Variants in CFAP100 observed in about 807,000 individuals in gnomAD.
CFAP100 encodes cilia- and flagella-associated protein 100.
CFAP100 carries 70 observed loss-of-function variants against 81.5 expected under a neutral mutation model. That is an observed-to-expected ratio of 0.86 (90% CI 0.71 to 1.05). The LOEUF is 1.05. Among genes scored for constraint, CFAP100 ranks in the 50% least tolerant of loss-of-function variants. The pLI, the probability that CFAP100 is intolerant of heterozygous loss-of-function variation, is 0.00. For missense variants in CFAP100, 811 were observed against 776.5 expected (o/e 1.04, Z -0.53); for synonymous variants, 341 against 314.8 (o/e 1.08, Z -0.88).
chr3:126,395,947 G>A lies in CFAP100; in HGVS notation c.-54G>A. ...AGCACTGTGTCACTCCTCAGGTGAGGATCTCCTTTAGAAGAGGAGAAGCCT... is the reference window on the plus strand; with the variant it reads ...AGCACTGTGTCACTCCTCAGGTGAGAATCTCCTTTAGAAGAGGAGAAGCCT... On this transcript the variant is annotated 5_prime_UTR_variant, in exon 2 of 17. Transcript: ENST00000352312. The A allele has an allele frequency of 6.9e-7, 1 of 1,453,432 alleles. No homozygotes were observed. The highest frequency in any genetic ancestry group is 9.7e-7 in the Non-Finnish European group (1 of 1,034,364). 90.0% of individuals were successfully genotyped at this position (1,453,432 alleles called of 1,614,324 possible).
intron 4 of CFAP100, among the ~76,000 whole-genome samples, chr3:126,416,061 C>T (rs1274885009): frequency 6.6e-6 from 1 of 152,168 alleles, no homozygotes; most frequent in Admixed American, 6.5e-5. Flanking sequence ...AGCGTGCCCC[C>T]TCTGTGGGTC....
chr3:126,416,094 A>T (rs922689097), intron 4 of CFAP100, among the ~76,000 whole-genome samples: 1 of 152,006 alleles, frequency 6.6e-6, no homozygotes, highest in African/African-American at 2.4e-5. Context: ...CTGACCGGGC[A>T]GCCTGTGTTT....
In CFAP100 at chr3:126,420,177, A is replaced by G. The variant is rs1232310043; in HGVS notation, c.1030A>G (p.Ser344Gly). 3 of 1,612,816 alleles carry G rather than the reference A, an allele frequency of 1.9e-6. No homozygotes were observed. The South Asian group carries it at 3.3e-5, about 18-fold the overall frequency. Residue 344 changes from serine (S) to glycine (G), a missense_variant, in exon 11 of 17, where the codon AGC becomes GGC. Transcript: ENST00000352312. ...GGGGCGGAGCCCGTCTTACCTGAGCAGCCCCCAGCAAGGCAGCCAGCCCAG... is the reference window on the plus strand; with the variant it reads ...GGGGCGGAGCCCGTCTTACCTGAGCGGCCCCCAGCAAGGCAGCCAGCCCAG... ...RLGRSPSYLS[S>G]PQQGSQPSES...
intron 13 of CFAP100, among the ~76,000 whole-genome samples, chr3:126,427,680 T>C (rs1933015677): frequency 6.6e-6 from 1 of 152,208 alleles, no homozygotes; most frequent in Non-Finnish European, 1.5e-5. Flanking sequence ...CCACTAGCAA[T>C]GAATGAGACT....
At chr3:126,403,198 G>A (rs1240725199) in intron 2 of CFAP100, among the ~76,000 whole-genome samples, 3 of 152,110 alleles carry the variant, frequency 2.0e-5, no homozygotes, top group African/African-American at 7.2e-5. Flanking sequence ...GGTCAGGAGA[G>A]TAGGCGGAAA....
At chr3:126,420,338 TCA>T in intron 11 of CFAP100, 109 bp downstream of exon 11, 2 of 1,439,102 alleles carry the variant, frequency 1.4e-6, no homozygotes, top group Non-Finnish European at 1.9e-6. Flanking sequence ...AGTGTGTTAC[TCA>T]CAGTCCCTAC....
intron 15 of CFAP100, among the ~76,000 whole-genome samples, chr3:126,434,910 G>C (rs752101353): frequency 2.0e-5 from 3 of 152,190 alleles, no homozygotes; most frequent in Non-Finnish European, 4.4e-5. Context: ...GCTCAGAGGG[G>C]AGTGGAGGGG....
rs896319125 is a variant in CFAP100, at chr3:126,417,546, G to A, written c.419-912G>A. On this transcript the variant is annotated intron_variant, in intron 5 of 16. Transcript: ENST00000352312. ...AGTTGGAGAGGCAGGCAGGGGGAAT[G>A]GGGGTTAGACGGGGAGACAGCATGG... Among the ~76,000 whole-genome samples the A allele has an allele frequency of 2.4e-4, 37 of 152,186 alleles. 1 individual carries two copies. The highest frequency in any genetic ancestry group is 8.9e-4 in the African/African-American group (37 of 41,444).
intron 5 of CFAP100, chr3:126,418,079 T>G: frequency 4.9e-6 from 1 of 203,706 alleles, no homozygotes; most frequent in Non-Finnish European, 9.9e-6. Flanking sequence ...TGGCTCCCCA[T>G]TTTTCTGTCC....
intron 2 of CFAP100, among the ~76,000 whole-genome samples, chr3:126,403,162 G>A (rs564689159): frequency 6.6e-6 from 1 of 152,230 alleles, no homozygotes; most frequent in African/African-American, 2.4e-5. Context: ...AGACTCTGAA[G>A]AGGCTGCTGT....
At chr3:126,418,306 A>G (rs2083273669) in intron 5 of CFAP100, 152 bp from the exon 6 acceptor site, 2 of 647,372 alleles carry the variant, frequency 3.1e-6, no homozygotes, top group Non-Finnish European at 2.7e-6. Flanking sequence ...GAGACAGAGG[A>G]CAAGAACACT....
Position 126,435,566 on chromosome 3 carries a change from G to T in CFAP100, c.1636G>T (p.Glu546Ter), listed in dbSNP as rs373366733. The change falls in exon 16 of 17, where the codon GAA becomes TAA. Residue 546 changes from glutamate to a stop codon, truncating the protein, a stop_gained. Coordinates refer to ENST00000352312, the MANE Select transcript of CFAP100 (RefSeq NM_182628.3). LOFTEE classifies it high-confidence loss of function. The part of the protein sequence containing the change: ...KEKERRIRLR[E>*]EKLQMQKILQ... Reference sequence around the variant, plus strand: ...TCATTTCTTGCCACCCAGACTTCGAGAAGAGAAGCTCCAGATGCAAAAGAT... The same window carrying T: ...TCATTTCTTGCCACCCAGACTTCGATAAGAGAAGCTCCAGATGCAAAAGAT... 3 of 1,610,898 alleles carry T rather than the reference G, an allele frequency of 1.9e-6. No homozygotes were observed. The African/African-American group carries it at 4.0e-5, about 22-fold the overall frequency.
At chr3:126,395,360 G>C (rs2082873038) in intron 1 of CFAP100, 3 of 152,310 alleles carry the variant, frequency 2.0e-5, no homozygotes, top group Admixed American at 1.3e-4. Context: ...TGGACACCTC[G>C]CTGAATCTCT....
chr3:126,421,019 T>A (rs1162767489), intron 11 of CFAP100, among the ~76,000 whole-genome samples: 2 of 152,238 alleles, frequency 1.3e-5, no homozygotes, highest in East Asian at 3.8e-4. Flanking sequence ...TTATTTATTT[T>A]GAGATGGAGT....
At chr3:126,435,127 T>C (rs889051560) in intron 15 of CFAP100, among the ~76,000 whole-genome samples, 1 of 152,182 alleles carries the variant, frequency 6.6e-6, no homozygotes. Flanking sequence ...GAGTGGGCAC[T>C]AGACCAGGCT....
In CFAP100 at chr3:126,421,655, T is replaced by C. The variant is rs368581199; in HGVS notation, c.1082+1426T>C. On this transcript the variant is annotated intron_variant, in intron 11 of 16. Transcript: ENST00000352312. ...CTGCTCTCCACCCTCTGTCTTCCCCTCTCCACGACTGCCTATTCCTGAACT... is the reference window on the plus strand; with the variant it reads ...CTGCTCTCCACCCTCTGTCTTCCCCCCTCCACGACTGCCTATTCCTGAACT... Among the ~76,000 whole-genome samples, 12 of 152,266 alleles carry C rather than the reference T, an allele frequency of 7.9e-5. No individual in the cohort carries two copies. In the East Asian group the frequency reaches 2.3e-3, roughly 29 times the overall value.
chr3:126,404,884 A>G (rs1021990445), intron 2 of CFAP100, among the ~76,000 whole-genome samples: 6 of 152,164 alleles, frequency 3.9e-5, no homozygotes, highest in Non-Finnish European at 8.8e-5. Flanking sequence ...CATGTTGGCC[A>G]GGATGGTCTC....
rs748166611 is a variant in CFAP100 at position 126,423,382 on chromosome 3, T to C, written c.1134+6T>C. 13 of 1,613,200 alleles carry C rather than the reference T, an allele frequency of 8.1e-6. No individual in the cohort carries two copies. The African/African-American group carries it at 1.3e-4, about 17-fold the overall frequency. On this transcript the variant is annotated splice_donor_region_variant and intron_variant, in intron 12 of 16. Coordinates refer to ENST00000352312, the MANE Select transcript of CFAP100 (RefSeq NM_182628.3). ...ACACCGACAGCGATGGGGAGGTGAA[T>C]GGCCCAGTGCTGGGCTGGAATTCGG...
In CFAP100 at chr3:126,419,964, C is replaced by G. The variant is rs565242404; in HGVS notation, c.914-16C>G. ...TGCAGCTGAGGCCATCGGGGCCCCC[C>G]CTTTGCTTCCTGCAGGACCAGGGAT... On this transcript the variant is annotated splice_polypyrimidine_tract_variant and intron_variant, in intron 9 of 16. Transcript: ENST00000352312. The G allele has an allele frequency of 3.0e-5, 49 of 1,612,800 alleles. No homozygotes were observed. Among genetic ancestry groups the G allele is most frequent in the South Asian group, 2.5e-4 (23 of 91,088 alleles).
Sources: allele counts gnomAD v4.1 joint callset (sites outside exome capture counted in the v4.1 genomes callset), GRCh38; gene constraint gnomAD v4.1.1; transcripts MANE v1.5; gene names NCBI Gene and HGNC (gene_info 2026-07-23, HGNC 2026-07-21).